The following TOX3 variants were observed in gnomAD, a reference collection of about 807,000 sequenced individuals.
The protein encoded by TOX3 is TOX high mobility group box family member 3.
In TOX3, 22 loss-of-function variants were observed where a neutral mutation model predicts 64.3. The observed-to-expected ratio is 0.34, with a 90% CI of 0.24 to 0.49. The LOEUF (loss-of-function observed/expected upper bound fraction) is 0.49, where lower values mean the gene tolerates loss of function less well. TOX3 is among the 20% of genes least tolerant of loss of function. The pLI, the probability that TOX3 is intolerant of heterozygous loss-of-function variation, is 0.99. For synonymous variants in TOX3, 291 were observed against 273.6 expected (o/e 1.06, Z -0.63); for missense variants, 661 against 714.4 (o/e 0.93, Z 0.85).
chr16:52,510,902 C>T (rs867627063), intron 1 of TOX3, among the ~76,000 whole-genome samples: 1 of 152,122 alleles, frequency 6.6e-6, no homozygotes, highest in Middle Eastern at 3.4e-3. Context: ...TCATGCAGAG[C>T]ACCTAAATTT....
intron 1 of TOX3, among the ~76,000 whole-genome samples, chr16:52,488,322 T>C (rs1292532084): frequency 1.3e-5 from 2 of 152,204 alleles, no homozygotes; most frequent in Non-Finnish European, 2.9e-5. Context: ...CCAGATTTAC[T>C]GACCTCCTTC....
At chr16:52,483,715 C>T (rs902879195) in intron 1 of TOX3, among the ~76,000 whole-genome samples, 15 of 151,670 alleles carry the variant, frequency 9.9e-5, no homozygotes, top group African/African-American at 3.6e-4. Flanking sequence ...ATTACAGGTG[C>T]CTGCCACCAC....
At chr16:52,441,424 T>G (rs1959982767) in intron 6 of TOX3, among the ~76,000 whole-genome samples, 1 of 152,208 alleles carries the variant, frequency 6.6e-6, no homozygotes, top group African/African-American at 2.4e-5. Flanking sequence ...CCAAATCACC[T>G]GTTAAAAGAT....
At chr16:52,528,336 A>T (rs897547803) in intron 1 of TOX3, among the ~76,000 whole-genome samples, 1 of 152,126 alleles carries the variant, frequency 6.6e-6, no homozygotes, top group Admixed American at 6.5e-5. Context: ...TATTAATCAC[A>T]TACAATAACT....
chr16:52,495,803 T>C (rs779217220), intron 1 of TOX3, among the ~76,000 whole-genome samples: 1 of 152,134 alleles, frequency 6.6e-6, no homozygotes, highest in African/African-American at 2.4e-5. Context: ...CCAAATTAAG[T>C]CATGGTTGAG....
At chr16:52,448,501 C>A (rs1960234234) in intron 4 of TOX3, among the ~76,000 whole-genome samples, 1 of 152,150 alleles carries the variant, frequency 6.6e-6, no homozygotes, top group Admixed American at 6.5e-5. Flanking sequence ...CTTCTCAATC[C>A]TCTGGACTGA....
At chr16:52,505,931 A>T (rs1962150372) in intron 1 of TOX3, among the ~76,000 whole-genome samples, 1 of 152,158 alleles carries the variant, frequency 6.6e-6, no homozygotes, top group South Asian at 2.1e-4. Context: ...AGCCATGATC[A>T]CACCACTGCA....
intron 1 of TOX3, among the ~76,000 whole-genome samples, chr16:52,513,125 C>G (rs763474252): frequency 6.6e-6 from 1 of 152,084 alleles, no homozygotes; most frequent in African/African-American, 2.4e-5. Flanking sequence ...AGTCCAGGCA[C>G]CAACACAAAA....
intron 1 of TOX3, among the ~76,000 whole-genome samples, chr16:52,469,252 A>C (rs778935865): frequency 5.3e-5 from 8 of 152,222 alleles, no homozygotes; most frequent in Non-Finnish European, 1.0e-4. Flanking sequence ...ATTCGCTAAC[A>C]CAATGGGCCA....
At chr16:52,496,885 C>T (rs1487764514) in intron 1 of TOX3, among the ~76,000 whole-genome samples, 1 of 149,734 alleles carries the variant, frequency 6.7e-6, no homozygotes, top group Non-Finnish European at 1.5e-5. Flanking sequence ...ACAGAAAATA[C>T]ATATTTATAC....
chr16:52,528,236 A>G (rs888583175), intron 1 of TOX3, among the ~76,000 whole-genome samples: 1 of 152,220 alleles, frequency 6.6e-6, no homozygotes, highest in African/African-American at 2.4e-5. Context: ...TGGTAACATT[A>G]ATGAAATGCT....
At chr16:52,522,127 C>A (rs60651233) in intron 1 of TOX3, among the ~76,000 whole-genome samples, 12,947 of 151,432 alleles carry the variant, frequency 0.085, 1,444 homozygotes, top group African/African-American at 0.25. Flanking sequence ...CAATAGTATT[C>A]CATGTAAGCT....
chr16:52,547,062 G>A lies in TOX3; in HGVS notation c.-339C>T. On this transcript the variant is annotated 5_prime_UTR_variant, in exon 1 of 7. Transcript: ENST00000219746. ...GGCGAGTTCAGGTGCGCTGGGCGAGGCTGGGACGGCGGCGGCGGCGGCGGC... is the reference window on the plus strand; with the variant it reads ...GGCGAGTTCAGGTGCGCTGGGCGAGACTGGGACGGCGGCGGCGGCGGCGGC... 1.7e-6 allele frequency: 1 copy of A among 597,034 alleles called. No individual in the cohort carries two copies. The highest frequency in any genetic ancestry group is 6.8e-5 in the South Asian group (1 of 14,654). The allele number at this position is 597,034 out of a possible 1,614,324, so 37.0% of individuals were successfully genotyped here. A position where few individuals can be genotyped will look rare whatever the true frequency, so the allele number is the denominator to read the frequency against.
intron 1 of TOX3, among the ~76,000 whole-genome samples, chr16:52,543,975 G>A (rs1013150841): frequency 3.3e-5 from 5 of 152,086 alleles, no homozygotes; most frequent in Admixed American, 6.5e-5. Context: ...AAAGATAAGC[G>A]CTAACTTTCA....
In TOX3 at chr16:52,438,609, G is replaced by A; in HGVS notation, c.*616C>T. 5.3e-6 allele frequency: 1 copy of A among 187,420 alleles called. No homozygotes were observed. 11.6% of individuals were successfully genotyped at this position (187,420 alleles called of 1,614,324 possible). On this transcript the variant is annotated 3_prime_UTR_variant, in exon 7 of 7. Transcript: ENST00000219746. The stretch of plus-strand genomic sequence containing the variant: ...TTTGGAGAAGTCATGGATAAAAAGT[G>A]GAAATTAGTCAATAATTGAATTTAG...
chr16:52,544,191 C>T (rs1275685503), intron 1 of TOX3, among the ~76,000 whole-genome samples: 1 of 152,096 alleles, frequency 6.6e-6, no homozygotes, highest in African/African-American at 2.4e-5. Flanking sequence ...TCTTTATATG[C>T]TAGTTTTTAC....
chr16:52,522,622 G>C (rs1289806523), intron 1 of TOX3, among the ~76,000 whole-genome samples: 1 of 152,158 alleles, frequency 6.6e-6, no homozygotes, highest in African/African-American at 2.4e-5. Flanking sequence ...TCTGTGTGCA[G>C]GACAGGGTGA....
chr16:52,509,927 C>T (rs574522314), intron 1 of TOX3, among the ~76,000 whole-genome samples: 13 of 151,980 alleles, frequency 8.6e-5, no homozygotes, highest in Non-Finnish European at 1.6e-4. Context: ...ACAATAATGG[C>T]AAGTCATGGT....
intron 4 of TOX3, 74 bp downstream of exon 4, chr16:52,450,203 T>C (rs900296238): frequency 1.9e-6 from 3 of 1,550,694 alleles, no homozygotes; most frequent in Non-Finnish European, 2.7e-6. Context: ...GATAACACCA[T>C]GAATGAAATT....
Sources: allele counts gnomAD v4.1 joint callset (sites outside exome capture counted in the v4.1 genomes callset), GRCh38; gene constraint gnomAD v4.1.1; transcripts MANE v1.5; gene names NCBI Gene and HGNC (gene_info 2026-07-23, HGNC 2026-07-21).